PHLPP2: variants seen among roughly 807,000 people sequenced by gnomAD.
PHLPP2 encodes the protein PH domain and leucine rich repeat protein phosphatase 2, also known as PH domain leucine-rich repeat-containing protein phosphatase 2.
In PHLPP2, 66 loss-of-function variants were observed where a neutral mutation model predicts 124.9. The ratio of observed to expected loss-of-function variants is 0.53; its 90% CI spans 0.43 to 0.65. The LOEUF (loss-of-function observed/expected upper bound fraction) is 0.65, where lower values mean the gene tolerates loss of function less well. Among genes scored for constraint, PHLPP2 ranks in the 30% least tolerant of loss-of-function variants. The pLI is 0.00. For missense variants in PHLPP2, 1,685 were observed against 1,600.4 expected (o/e 1.05, Z -0.90); for synonymous variants, 681 against 624.7 (o/e 1.09, Z -1.34).
intron 1 of PHLPP2, among the ~76,000 whole-genome samples, chr16:71,719,414 C>T (rs2145389519): frequency 6.6e-6 from 1 of 152,242 alleles, no homozygotes; most frequent in Non-Finnish European, 1.5e-5. Context: ...GGCACGCATG[C>T]CTGTAATCCC....
rs905586072 is a variant in PHLPP2 at position 71,724,558 on chromosome 16, G to C, written c.-236C>G. On this transcript the variant is annotated 5_prime_UTR_variant, in exon 1 of 19. Transcript: ENST00000568954. The stretch of plus-strand genomic sequence containing the variant: ...CTGATTCAGAAAAAAACTTTTAAAA[G>C]TTAACTTCTTTTCTTTTCTTTGTTT... 1.3e-5 allele frequency: 2 copies of C among 152,142 alleles called. No homozygotes were observed. The highest frequency in any genetic ancestry group is 2.9e-5 in the Non-Finnish European group (2 of 68,028). The allele number at this position is 152,142 out of a possible 1,614,324, so 9.4% of individuals were successfully genotyped here.
chr16:71,687,466 A>T (rs2045064926), intron 4 of PHLPP2, among the ~76,000 whole-genome samples: 2 of 152,212 alleles, frequency 1.3e-5, no homozygotes, highest in South Asian at 4.1e-4. Flanking sequence ...TCTTATGAAC[A>T]GCAAATAGTA....
At chr16:71,670,990 C>T (rs1231828617) in intron 10 of PHLPP2, among the ~76,000 whole-genome samples, 1 of 152,032 alleles carries the variant, frequency 6.6e-6, no homozygotes, top group Non-Finnish European at 1.5e-5. Flanking sequence ...GAGGGGGACA[C>T]TGAGGGAGGT....
At chr16:71,656,782 C>G in intron 15 of PHLPP2, 101 bp from the exon 16 acceptor site, 1 of 665,908 alleles carries the variant, frequency 1.5e-6, no homozygotes, top group South Asian at 1.7e-5. Context: ...TGGAGTCTCC[C>G]TCTTGTCACC....
intron 13 of PHLPP2, among the ~76,000 whole-genome samples, chr16:71,660,798 TTC>T (rs1213305138): frequency 6.6e-6 from 1 of 152,172 alleles, no homozygotes; most frequent in African/African-American, 2.4e-5. Flanking sequence ...GCCTGGATTT[TTC>T]TGACTTGTAA....
chr16:71,659,206 G>A (rs944257453), intron 13 of PHLPP2, among the ~76,000 whole-genome samples: 13 of 150,078 alleles, frequency 8.7e-5, no homozygotes, highest in South Asian at 4.2e-4. Context: ...ACCCTCAGCT[G>A]TAAAAAATGA....
chr16:71,704,307 C>CAAAAACAAAAAAAA (rs1555548332), intron 2 of PHLPP2, among the ~76,000 whole-genome samples: 3 of 98,750 alleles, frequency 3.0e-5, no homozygotes, highest in Admixed American at 1.0e-4. Flanking sequence ...GACTCTGTCT[C>CAAAAACAAAAAAAA]AAAAAAAAAA....
At chr16:71,723,685 C>A (rs1268161806) in intron 1 of PHLPP2, 2 of 586,696 alleles carry the variant, frequency 3.4e-6, no homozygotes, top group Admixed American at 8.2e-5. Flanking sequence ...GGGGCGGCAG[C>A]GGCCTCTAGC....
In PHLPP2 at chr16:71,714,626, G is replaced by A; in HGVS notation, c.170C>T (p.Ser57Phe). ...GACGAGATGTAAGTCAGAGGAAGAG[G>A]AGGAGGAGGAAGAGGAAGAGGAGGT... Reference protein sequence around the residue: ...TTTSSSSSSSSSSSDLHLVLC... With the variant: ...TTTSSSSSSSFSSSDLHLVLC... Residue 57 changes from serine to phenylalanine, a missense_variant, in exon 2 of 19, where the codon TCC becomes TTC. Ser to Phe is a radical substitution (Grantham distance 155, BLOSUM62 -2). Coordinates refer to ENST00000568954, the MANE Select transcript of PHLPP2 (RefSeq NM_015020.3). 1.7e-5 allele frequency: 27 copies of A among 1,613,960 alleles called. No homozygotes were observed. The highest frequency in any genetic ancestry group is 2.3e-5 in the Non-Finnish European group (27 of 1,179,838).
At position 71,656,796 on chromosome 16, in the gene PHLPP2, G is replaced by T; in HGVS notation, c.2280-115C>A. On this transcript the variant is annotated intron_variant, in intron 15 of 18. Transcript: ENST00000568954. ...ATGGAGTCTCCCTCTTGTCACCCAG[G>T]CTGGAGTGCAGTGGTGTGACCTCAG... The T allele has an allele frequency of 4.9e-6, 3 of 613,590 alleles. No individual in the cohort carries two copies. The South Asian group carries it at 5.5e-5, about 11-fold the overall frequency. 38.0% of individuals were successfully genotyped at this position (613,590 alleles called of 1,614,324 possible). A position where few individuals can be genotyped will look rare whatever the true frequency, so the allele number is the denominator to read the frequency against.
intron 3 of PHLPP2, among the ~76,000 whole-genome samples, chr16:71,696,606 C>T (rs186529370): frequency 1.3e-3 from 195 of 149,366 alleles, no homozygotes; most frequent in African/African-American, 4.2e-3. Flanking sequence ...CCGGCCTAGA[C>T]GACACTGCAC....
chr16:71,703,095 T>C (rs1168388168), intron 2 of PHLPP2, among the ~76,000 whole-genome samples: 1 of 152,224 alleles, frequency 6.6e-6, no homozygotes, highest in Non-Finnish European at 1.5e-5. Context: ...TCCATCCATG[T>C]TGCTACATTA....
chr16:71,686,885 A>C (rs943694551), intron 4 of PHLPP2, among the ~76,000 whole-genome samples: 5 of 152,176 alleles, frequency 3.3e-5, no homozygotes, highest in African/African-American at 1.2e-4. Context: ...TTATGAATAA[A>C]GCTGCTATGA....
At chr16:71,669,483 T>G (rs1423582349) in intron 10 of PHLPP2, 113 bp from the exon 11 acceptor site, 1 of 711,816 alleles carries the variant, frequency 1.4e-6, no homozygotes. Context: ...GCAGGAACAC[T>G]GTCTCCAAGG....
intron 2 of PHLPP2, among the ~76,000 whole-genome samples, chr16:71,707,750 GCTGATTTGCATCAAGCTAAAACTGT>G (rs1228882660): frequency 1.3e-5 from 2 of 152,166 alleles, no homozygotes; most frequent in African/African-American, 4.8e-5. Flanking sequence ...GTTGGCTGGT[GCTGATTTGCATCAAGCTAAAACTGT>G]AATTGTAAGT....
At chr16:71,705,021 G>A (rs920107940) in intron 2 of PHLPP2, among the ~76,000 whole-genome samples, 2 of 152,174 alleles carry the variant, frequency 1.3e-5, no homozygotes, top group African/African-American at 4.8e-5. Flanking sequence ...TCAGAACAAT[G>A]AGAAGGTGCA....
chr16:71,675,734 G>C (rs963149967), intron 9 of PHLPP2, among the ~76,000 whole-genome samples: 1 of 151,828 alleles, frequency 6.6e-6, no homozygotes, highest in Non-Finnish European at 1.5e-5. Context: ...CTTTTTTTGA[G>C]ATGGGGTCTC....
At chr16:71,662,022 C>T (rs896364084) in intron 13 of PHLPP2, among the ~76,000 whole-genome samples, 1 of 151,856 alleles carries the variant, frequency 6.6e-6, no homozygotes, top group Non-Finnish European at 1.5e-5. Flanking sequence ...CGGGGTTTCA[C>T]CATGTTGGCC....
chr16:71,691,435 TG>T (rs1425047579), intron 3 of PHLPP2, among the ~76,000 whole-genome samples: 1 of 151,286 alleles, frequency 6.6e-6, no homozygotes, highest in African/African-American at 2.4e-5. Context: ...CACTCCAGCC[TG>T]GGCGACAGAG....
Sources: gnomAD v4.1 joint callset for allele counts (sites outside exome capture counted in the v4.1 genomes callset) on GRCh38, gnomAD v4.1.1 for gene constraint, MANE v1.5 for transcripts, NCBI Gene and HGNC (gene_info 2026-07-23, HGNC 2026-07-21) for gene names.